SNX29: variants seen among roughly 807,000 people sequenced by gnomAD.
SNX29 encodes the protein sorting nexin-29.
In SNX29, 78 loss-of-function variants were observed where a neutral mutation model predicts 102.1. That is an observed-to-expected ratio of 0.76 (90% CI 0.64 to 0.92). The LOEUF (loss-of-function observed/expected upper bound fraction) is 0.92. Among genes scored for constraint, SNX29 ranks in the 40% least tolerant of loss-of-function variants. The pLI is 0.00. For missense variants in SNX29, 1,280 were observed against 1,061.7 expected, an observed-to-expected ratio of 1.21 and a Z score of -2.86; for synonymous variants, 580 against 414.5, an observed-to-expected ratio of 1.40 and a Z score of -4.85.
chr16:12,160,110 C>G (rs965200988), intron 13 of SNX29, among the ~76,000 whole-genome samples: 8 of 152,308 alleles, frequency 5.3e-5, no homozygotes, highest in Admixed American at 5.2e-4. Flanking sequence ...GGGAATAGCA[C>G]CGTGACTCTG....
intron 16 of SNX29, among the ~76,000 whole-genome samples, chr16:12,380,705 A>AAGCATCAATTCCATCCACCC (rs2083068518): frequency 5.7e-5 from 2 of 34,918 alleles, no homozygotes; most frequent in Non-Finnish European, 1.1e-4. Flanking sequence ...TCCACCCACC[A>AAGCATCAATTCCATCCACCC]ACCATCAATT....
In SNX29 at chr16:12,042,883, C is replaced by T. The variant is rs1383249966; in HGVS notation, c.248-14C>T. ...CCAGGCCGAGTGCCAGGCGCCTGTG[C>T]CCTCTCTCCGTAGAGCCCGTGTTCT... On this transcript the variant is annotated splice_polypyrimidine_tract_variant and intron_variant, in intron 4 of 20. Coordinates refer to ENST00000566228, the MANE Select transcript of SNX29 (RefSeq NM_032167.5). The T allele has an allele frequency of 2.5e-6, 4 of 1,594,542 alleles. No homozygotes were observed. In the East Asian group the frequency reaches 6.7e-5, roughly 27 times the overall value.
At chr16:12,295,050 G>C (rs938621014) in intron 15 of SNX29, among the ~76,000 whole-genome samples, 9 of 152,170 alleles carry the variant, frequency 5.9e-5, no homozygotes, top group African/African-American at 2.2e-4. Context: ...AACACATCTC[G>C]TGAGACTTAT....
At chr16:12,256,655 A>G (rs999007957) in intron 14 of SNX29, among the ~76,000 whole-genome samples, 11 of 152,160 alleles carry the variant, frequency 7.2e-5, no homozygotes, top group African/African-American at 2.2e-4. Context: ...AAGAGAGACA[A>G]TCAGCATTCA....
intron 11 of SNX29, among the ~76,000 whole-genome samples, chr16:12,120,485 A>G (rs1158823761): frequency 6.6e-6 from 1 of 152,194 alleles, no homozygotes; most frequent in African/African-American, 2.4e-5. Flanking sequence ...TCCCTTTTTA[A>G]TTTTGAAAAG....
chr16:12,305,138 G>A (rs942985204), intron 15 of SNX29, among the ~76,000 whole-genome samples: 1 of 152,200 alleles, frequency 6.6e-6, no homozygotes, highest in African/African-American at 2.4e-5. Context: ...AAATCTGTGG[G>A]AACTAGAATT....
At chr16:12,539,137 C>G (rs535453907) in intron 20 of SNX29, among the ~76,000 whole-genome samples, 3 of 152,170 alleles carry the variant, frequency 2.0e-5, no homozygotes, top group Non-Finnish European at 4.4e-5. Flanking sequence ...TTAATTTACA[C>G]AGTGCAATTG....
intron 14 of SNX29, among the ~76,000 whole-genome samples, chr16:12,274,559 C>T (rs1031438828): frequency 6.8e-6 from 1 of 147,524 alleles, no homozygotes; most frequent in Non-Finnish European, 1.5e-5. Context: ...TTTTTTGAGA[C>T]AGAGTCTTGC....
intron 13 of SNX29, among the ~76,000 whole-genome samples, chr16:12,154,808 G>T (rs1267416886): frequency 6.6e-6 from 1 of 152,164 alleles, no homozygotes; most frequent in Non-Finnish European, 1.5e-5. Flanking sequence ...CTTACATGGT[G>T]GAAGAGGTGA....
At chr16:12,292,062 G>A (rs1264364300) in intron 15 of SNX29, among the ~76,000 whole-genome samples, 6 of 152,178 alleles carry the variant, frequency 3.9e-5, no homozygotes, top group Non-Finnish European at 1.5e-5. Context: ...TGGTGGAGGG[G>A]TTGTGGTTTG....
intron 13 of SNX29, among the ~76,000 whole-genome samples, chr16:12,172,474 C>T (rs2076170867): frequency 6.6e-6 from 1 of 152,158 alleles, no homozygotes; most frequent in Non-Finnish European, 1.5e-5. Flanking sequence ...CCTCTACCAT[C>T]TGGCAGAGGG....
chr16:12,060,155 C>A (rs2050712869), intron 8 of SNX29, among the ~76,000 whole-genome samples: 1 of 151,754 alleles, frequency 6.6e-6, no homozygotes, highest in Non-Finnish European at 1.5e-5. Context: ...AAAAAAAAAC[C>A]AATAAAAATA....
chr16:12,446,720 G>A (rs1345506187), intron 18 of SNX29, among the ~76,000 whole-genome samples: 2 of 152,138 alleles, frequency 1.3e-5, no homozygotes, highest in African/African-American at 2.4e-5. Flanking sequence ...ACATGGATGA[G>A]GATTAAATGA....
chr16:12,033,658 G>A (rs1210526202), intron 4 of SNX29, among the ~76,000 whole-genome samples: 2 of 150,388 alleles, frequency 1.3e-5, no homozygotes, highest in Non-Finnish European at 3.0e-5. Flanking sequence ...CCATGCTGGA[G>A]TGCAGTGGTG....
rs74981285 is a variant in SNX29, at chr16:12,235,667, A to G, written c.1678+35984A>G. On this transcript the variant is annotated intron_variant, in intron 14 of 20. Transcript: ENST00000566228. ...ATAACACAGAGGAAAGAAGTGAAAAAACCTCTGGGTAAAAAAAAGACTTGC... is the reference window on the plus strand; with the variant it reads ...ATAACACAGAGGAAAGAAGTGAAAAGACCTCTGGGTAAAAAAAAGACTTGC... Among the ~76,000 whole-genome samples the G allele has an allele frequency of 7.9e-5, 12 of 152,320 alleles. No homozygotes were observed. In the East Asian group the frequency reaches 2.3e-3, roughly 29 times the overall value.
Position 12,568,770 on chromosome 16 carries a change from A to C in SNX29, c.*141A>C. ...AGCACACGATTCCCAACAGTTACAC[A>C]ACACCCCGATTAAACTAATCAGTCT... On this transcript the variant is annotated 3_prime_UTR_variant, in exon 21 of 21. Transcript: ENST00000566228. 1 of 1,292,656 alleles carries C rather than the reference A, an allele frequency of 7.7e-7. No individual in the cohort carries two copies. Among genetic ancestry groups the C allele is most frequent in the Non-Finnish European group, 1.0e-6 (1 of 961,140 alleles). The allele number at this position is 1,292,656 out of a possible 1,614,324, so 80.1% of individuals were successfully genotyped here.
At chr16:12,566,023 T>C (rs556416416) in intron 20 of SNX29, among the ~76,000 whole-genome samples, 80 of 152,320 alleles carry the variant, frequency 5.3e-4, no homozygotes, top group Middle Eastern at 6.8e-3. Context: ...AGCATGGTGG[T>C]GACACAGGTC....
intron 11 of SNX29, chr16:12,089,863 C>A: frequency 2.5e-6 from 1 of 398,996 alleles, no homozygotes; most frequent in South Asian, 1.8e-5. Flanking sequence ...CTTCCCTCCG[C>A]CCTCCCTTGT....
intron 8 of SNX29, among the ~76,000 whole-genome samples, chr16:12,053,664 GTTTT>G (rs75991516): frequency 0.4 from 58,686 of 146,964 alleles, 12,037 homozygotes; most frequent in Middle Eastern, 0.5. Flanking sequence ...CAATATTAGG[GTTTT>G]TTTTTTTTTT....
Sources: allele counts gnomAD v4.1 joint callset (sites outside exome capture counted in the v4.1 genomes callset), GRCh38; gene constraint gnomAD v4.1.1; transcripts MANE v1.5; gene names NCBI Gene and HGNC (gene_info 2026-07-23, HGNC 2026-07-21).